SAMD8: variants seen among roughly 807,000 people sequenced by gnomAD.
SAMD8 encodes sterile alpha motif domain containing 8, also known as sphingomyelin synthase-related protein 1.
In SAMD8, 20 loss-of-function variants were observed where a neutral mutation model predicts 42.0. That is an observed-to-expected ratio of 0.48 (90% confidence interval 0.34 to 0.69). SAMD8 has a LOEUF of 0.69. Among genes scored for constraint, SAMD8 ranks in the 30% least tolerant of loss-of-function variants. The probability of loss-of-function intolerance (pLI) is 0.01; values close to 1 mark genes in which losing one functional copy is unlikely to be tolerated. For missense variants in SAMD8, 328 were observed against 511.6 expected, an observed-to-expected ratio of 0.64 and a Z score of 3.46; for synonymous variants, 162 against 173.0, an observed-to-expected ratio of 0.94 and a Z score of 0.50.
intron 1 of SAMD8, among the ~76,000 whole-genome samples, chr10:75,136,298 AT>A (rs1839884673): frequency 6.6e-6 from 1 of 152,206 alleles, no homozygotes; most frequent in Admixed American, 6.5e-5. Context: ...TTGAGAAAAA[AT>A]AATTGAATAG....
At chr10:75,107,167 C>G (rs748689975), upstream of SAMD8, among the ~76,000 whole-genome samples, 2 of 152,120 alleles carry the variant, frequency 1.3e-5, no homozygotes, top group African/African-American at 2.4e-5. Context: ...GAAACCCTGT[C>G]TCTGCTAAAA....
chr10:75,160,051 A>G (rs78352308), intron 2 of SAMD8, among the ~76,000 whole-genome samples: 4 of 151,982 alleles, frequency 2.6e-5, no homozygotes, highest in South Asian at 2.1e-4. Context: ...AGGAAACAAA[A>G]CACTATAAAA....
At chr10:75,149,081 A>G (rs1840219361) in intron 1 of SAMD8, among the ~76,000 whole-genome samples, 1 of 152,140 alleles carries the variant, frequency 6.6e-6, no homozygotes, top group African/African-American at 2.4e-5. Flanking sequence ...TTTGCCTACC[A>G]TTTTTAAAAA....
intron 2 of SAMD8, among the ~76,000 whole-genome samples, chr10:75,152,059 AT>A (rs1399176223): frequency 2.2e-5 from 2 of 89,374 alleles, no homozygotes. Context: ...GCCTTTTTTT[AT>A]TTTTTTTTAA....
At chr10:75,100,435 G>A (rs536846222) in intron 1 of SAMD8, among the ~76,000 whole-genome samples, 11 of 152,202 alleles carry the variant, frequency 7.2e-5, no homozygotes, top group Admixed American at 5.9e-4. Flanking sequence ...CCAGGGACTC[G>A]TCCTTTAAGC....
At position 75,150,985 on chromosome 10, in the gene SAMD8, A is replaced by T; in HGVS notation, c.457A>T (p.Ile153Leu). 1 of 1,612,988 alleles carries T rather than the reference A, an allele frequency of 6.2e-7. No homozygotes were observed. Among genetic ancestry groups the T allele is most frequent in the African/African-American group, 1.3e-5 (1 of 74,994 alleles). Residue 153 changes from isoleucine (I) to leucine (L), a missense_variant, in exon 2 of 6, where the codon ATA becomes TTA. Transcript: ENST00000542569. ...ATTGGACCCAGAATACTGGAAGACT[A>T]TACTGAGTTGTATATATGTTTTTAT... ...RRLDPEYWKT[I>L]LSCIYVFIVF...
Position 75,129,037 on chromosome 10 carries a change from T to TA in SAMD8, c.-16+17324dup, listed in dbSNP as rs201485683. Among the ~76,000 whole-genome samples, 531 of 151,102 alleles carry TA rather than the reference T, an allele frequency of 3.5e-3. 3 individuals carry two copies. Among genetic ancestry groups the TA allele is most frequent in the African/African-American group, 0.012 (476 of 41,246 alleles). Reference sequence around the variant, plus strand: ...ACTTCTTTCTGTATTCTGAATCACCTAAAAAAAAACCATCTCAACTGGATC... The same window carrying TA: ...ACTTCTTTCTGTATTCTGAATCACCTAAAAAAAAAACCATCTCAACTGGATC... On this transcript the variant is annotated intron_variant, in intron 1 of 5. Coordinates refer to ENST00000542569, the MANE Select transcript of SAMD8 (RefSeq NM_001174156.2).
Position 75,150,987 on chromosome 10 carries a change from A to T in SAMD8, c.459A>T (p.Ile153=), listed in dbSNP as rs148140903. 4.4e-4 allele frequency: 716 copies of T among 1,612,888 alleles called. 1 individual carries two copies. In the African/African-American group the frequency reaches 8.8e-3, roughly 20 times the overall value. The stretch of plus-strand genomic sequence containing the variant: ...TGGACCCAGAATACTGGAAGACTAT[A>T]CTGAGTTGTATATATGTTTTTATAG... ...RRLDPEYWKT[I]LSCIYVFIVF... is the part of the protein sequence containing the mutation. Residue 153 remains isoleucine (I), a synonymous_variant, in exon 2 of 6, where the codon ATA becomes ATT. Coordinates refer to ENST00000542569, the MANE Select transcript of SAMD8 (RefSeq NM_001174156.2).
At chr10:75,107,681 A>G (rs751883664), upstream of SAMD8, among the ~76,000 whole-genome samples, 9 of 152,078 alleles carry the variant, frequency 5.9e-5, no homozygotes, top group Non-Finnish European at 8.8e-5. Context: ...TGTTCAAGCA[A>G]TTCTCCTGCC....
At chr10:75,137,322 T>C (rs958649690) in intron 1 of SAMD8, among the ~76,000 whole-genome samples, 2 of 152,020 alleles carry the variant, frequency 1.3e-5, no homozygotes, top group Non-Finnish European at 2.9e-5. Context: ...GGTGGATCAT[T>C]TGAGGTCAGG....
Position 75,150,688 on chromosome 10 carries a change from TCTC to T in SAMD8, c.167_169del (p.Pro56del), listed in dbSNP as rs1840269197. 2.5e-6 allele frequency: 4 copies of T among 1,614,098 alleles called. No individual in the cohort carries two copies. Among genetic ancestry groups the T allele is most frequent in the Non-Finnish European group, 3.4e-6 (4 of 1,180,020 alleles). ...AACATTGACTGAATATGATCTCCGG[TCTC>T]CTCCTCTGGAAATCAAAGTCTTAGG... On this transcript the variant is annotated inframe_deletion, in exon 2 of 6. Coordinates refer to ENST00000542569, the MANE Select transcript of SAMD8 (RefSeq NM_001174156.2).
upstream of SAMD8, among the ~76,000 whole-genome samples, chr10:75,109,818 T>TTTTGGTTTTG (rs1554856164): frequency 6.7e-6 from 1 of 150,084 alleles, no homozygotes. Flanking sequence ...AAGGTGTTTT[T>TTTTGGTTTTG]TTTTGTTTTG....
intron 1 of SAMD8, among the ~76,000 whole-genome samples, chr10:75,126,524 C>T: frequency 8.1e-6 from 1 of 123,430 alleles, no homozygotes; most frequent in Non-Finnish European, 1.6e-5. Context: ...TTTTTTGAGA[C>T]AGTATCTTGC....
intron 4 of SAMD8, among the ~76,000 whole-genome samples, chr10:75,171,334 T>G (rs1276596588): frequency 6.6e-6 from 1 of 151,148 alleles, no homozygotes; most frequent in Non-Finnish European, 1.5e-5. Flanking sequence ...GCATGGCTAA[T>G]TTTTTTGTAT....
chr10:75,172,501 A>AT lies in SAMD8; in HGVS notation c.793-3550dup, dbSNP rs756029536. 1.8e-3 allele frequency among the ~76,000 whole-genome samples: 261 copies of AT among 141,094 alleles called. 1 individual carries two copies. The highest frequency in any genetic ancestry group is 7.3e-3 in the Middle Eastern group (2 of 274). 92.6% of individuals were successfully genotyped at this position (141,094 alleles called of 152,430 possible). A position where few individuals can be genotyped will look rare whatever the true frequency, so the allele number is the denominator to read the frequency against. ...AGGCACACGCCACCACAGCCAACTG[A>AT]TTTTTTTTTTTTTTTAGACGGAGTC... On this transcript the variant is annotated intron_variant, in intron 4 of 5. Transcript: ENST00000542569.
chr10:75,150,784 A>G lies in SAMD8; in HGVS notation c.256A>G (p.Met86Val). 1 of 1,614,162 alleles carries G rather than the reference A, an allele frequency of 6.2e-7. No individual in the cohort carries two copies. Among genetic ancestry groups the G allele is most frequent in the Non-Finnish European group, 8.5e-7 (1 of 1,180,024 alleles). ...AATACATATTGATGTTTTAGAAGAG[A>G]TGGGCTACAACAGTGACAGTCCCAT... ...QKIHIDVLEE[M>V]GYNSDSPMGS... is the part of the protein sequence containing the mutation. Residue 86 changes from methionine (M) to valine (V), a missense_variant, in exon 2 of 6, where the codon ATG becomes GTG. Around this residue, in one of 2 missense-constraint regions of SAMD8, gnomAD observed 150 missense variants for 186.0 expected, o/e 0.81. Coordinates refer to ENST00000542569, the MANE Select transcript of SAMD8 (RefSeq NM_001174156.2).
intron 1 of SAMD8, among the ~76,000 whole-genome samples, chr10:75,133,334 C>T (rs574498783): frequency 3.2e-4 from 48 of 151,998 alleles, no homozygotes; most frequent in Non-Finnish European, 3.5e-4. Context: ...GCCTGACAAG[C>T]GGTGGTTGCA....
intron 1 of SAMD8, among the ~76,000 whole-genome samples, chr10:75,121,520 G>T (rs977289285): frequency 6.6e-6 from 1 of 152,024 alleles, no homozygotes; most frequent in Non-Finnish European, 1.5e-5. Flanking sequence ...GTAATCTCTG[G>T]ATCCCTTATG....
rs189353112 is a variant in SAMD8 at position 75,102,821 on chromosome 10, G to A, written c.-16+3093G>A. Among the ~76,000 whole-genome samples the A allele has an allele frequency of 3.0e-3, 449 of 152,146 alleles. 2 individuals are homozygous for A. The highest frequency in any genetic ancestry group is 0.01 in the African/African-American group (429 of 41,496). ...TACAAAATTAGCTGGGCGTGGTGGC[G>A]CATGCCTGTAATCCCAGCTACTCGG... On this transcript the variant is annotated intron_variant, in intron 1 of 3. Coordinates refer to the SAMD8 transcript ENST00000447533.
Sources: allele counts gnomAD v4.1 joint callset (sites outside exome capture counted in the v4.1 genomes callset), GRCh38; gene constraint gnomAD v4.1.1; regional missense constraint gnomAD v4.1.1; transcripts MANE v1.5; gene names NCBI Gene and HGNC (gene_info 2026-07-23, HGNC 2026-07-21).